DAB1: variants seen among roughly 807,000 people sequenced by gnomAD.
The protein encoded by DAB1 is DAB adaptor protein 1, also known as disabled homolog 1.
DAB1 carries 15 observed loss-of-function variants against 64.6 expected under a neutral mutation model. That is an observed-to-expected ratio of 0.23 (90% confidence interval 0.16 to 0.36). The LOEUF (loss-of-function observed/expected upper bound fraction) is 0.36, where lower values mean the gene tolerates loss of function less well. DAB1 is among the 10% of genes least tolerant of loss of function. The pLI, the probability that DAB1 is intolerant of heterozygous loss-of-function variation, is 1.00. For missense variants in DAB1, 596 were observed against 706.7 expected, an observed-to-expected ratio of 0.84 and a Z score of 1.78; for synonymous variants, 235 against 251.9, an observed-to-expected ratio of 0.93 and a Z score of 0.64.
At chr1:57,698,262 A>ATT (rs71051246) in intron 6 of DAB1, among the ~76,000 whole-genome samples, 4,823 of 138,918 alleles carry the variant, frequency 0.035, 309 homozygotes, top group African/African-American at 0.12. Flanking sequence ...ACTTTTAAAC[A>ATT]TTTTTTTTTT....
At chr1:58,340,655 A>G (rs17442536) in intron 4 of DAB1, among the ~76,000 whole-genome samples, 13,746 of 152,192 alleles carry the variant, frequency 0.09, 801 homozygotes, top group Non-Finnish European at 0.13. Context: ...TAAGTGGCTG[A>G]CGTGCTGTGG....
intron 7 of DAB1, among the ~76,000 whole-genome samples, chr1:57,569,172 G>A (rs1645162248): frequency 1.4e-5 from 2 of 145,946 alleles, no homozygotes; most frequent in Non-Finnish European, 3.0e-5. Flanking sequence ...GCAGGAGAAT[G>A]GCGTGAACCC....
At chr1:57,807,092 A>G (rs548979132) in intron 6 of DAB1, among the ~76,000 whole-genome samples, 2 of 152,324 alleles carry the variant, frequency 1.3e-5, no homozygotes. Flanking sequence ...CTATAGCACT[A>G]GCTCCTAACT....
intron 7 of DAB1, among the ~76,000 whole-genome samples, chr1:57,637,054 T>C (rs972984818): frequency 9.2e-5 from 14 of 152,188 alleles, no homozygotes; most frequent in Admixed American, 4.6e-4. Flanking sequence ...GGGGCTTTTT[T>C]TATAGCAATC....
At chr1:58,527,248 C>T in intron 2 of DAB1, 1 of 871,972 alleles carries the variant, frequency 1.1e-6, no homozygotes. Flanking sequence ...TTCTCAACTA[C>T]TAAACACTTT....
intron 8 of DAB1, among the ~76,000 whole-genome samples, chr1:57,067,441 C>T (rs772604361): frequency 6.6e-6 from 1 of 152,138 alleles, no homozygotes; most frequent in African/African-American, 2.4e-5. Context: ...GTGAGCCTCA[C>T]TTTCCTTATC....
At chr1:58,176,841 T>C (rs1656509701) in intron 4 of DAB1, among the ~76,000 whole-genome samples, 1 of 151,924 alleles carries the variant, frequency 6.6e-6, no homozygotes. Flanking sequence ...TAGCCAGGCA[T>C]GGTGGTGGGC....
chr1:58,101,083 G>A (rs375916449), intron 5 of DAB1, among the ~76,000 whole-genome samples: 19 of 152,254 alleles, frequency 1.2e-4, no homozygotes, highest in East Asian at 1.2e-3. Context: ...TTAGGAGGCC[G>A]AGGCAGGTGG....
At chr1:57,339,420 G>A (rs1259881046) in intron 1 of DAB1, among the ~76,000 whole-genome samples, 1 of 152,128 alleles carries the variant, frequency 6.6e-6, no homozygotes, top group Non-Finnish European at 1.5e-5. Context: ...CCTCCCAAAG[G>A]GCTGGGATTA....
chr1:57,494,253 A>AT (rs11379381), intron 7 of DAB1, among the ~76,000 whole-genome samples: 29,165 of 147,316 alleles, frequency 0.2, 2,972 homozygotes, highest in Non-Finnish European at 0.25. Context: ...AATTGTTACA[A>AT]TTTTTTTTTT....
At chr1:57,797,170 T>A (rs1381208750) in intron 6 of DAB1, among the ~76,000 whole-genome samples, 1 of 152,228 alleles carries the variant, frequency 6.6e-6, no homozygotes, top group Non-Finnish European at 1.5e-5. Flanking sequence ...TCTGCCACCT[T>A]GTTGCTCTTT....
At chr1:57,244,633 A>T in intron 2 of DAB1, among the ~76,000 whole-genome samples, 1 of 152,198 alleles carries the variant, frequency 6.6e-6, no homozygotes, top group East Asian at 1.9e-4. Flanking sequence ...TTACTCTGCA[A>T]ATTAGGGAAA....
chr1:57,367,892 A>G (rs1046404994), intron 1 of DAB1, among the ~76,000 whole-genome samples: 3 of 151,690 alleles, frequency 2.0e-5, no homozygotes, highest in African/African-American at 7.3e-5. Flanking sequence ...TGGGCCTCCC[A>G]CTCCTCAGAG....
intron 6 of DAB1, among the ~76,000 whole-genome samples, chr1:57,799,451 G>A (rs1422890842): frequency 6.6e-6 from 1 of 152,012 alleles, no homozygotes; most frequent in Non-Finnish European, 1.5e-5. Flanking sequence ...GACCCTGTTT[G>A]GGAATGACAA....
At chr1:58,153,545 A>G (rs947978991) in intron 4 of DAB1, among the ~76,000 whole-genome samples, 6 of 152,152 alleles carry the variant, frequency 3.9e-5, no homozygotes, top group Admixed American at 2.0e-4. Context: ...ATTGTCTTTC[A>G]TATCTTATGA....
intron 1 of DAB1, among the ~76,000 whole-genome samples, chr1:57,338,512 T>A (rs1009742461): frequency 7.9e-5 from 12 of 152,210 alleles, no homozygotes; most frequent in African/African-American, 2.9e-4. Context: ...ATCTATCTGG[T>A]AGACTGAACC....
chr1:57,637,207 C>G (rs772079943), intron 7 of DAB1, among the ~76,000 whole-genome samples: 38 of 152,150 alleles, frequency 2.5e-4, no homozygotes, highest in Non-Finnish European at 5.1e-4. Context: ...GTTGCCAAAT[C>G]TATTGATAGG....
rs3081038 is a variant in DAB1, at chr1:57,795,690, G to GATATATATATATAT, written n.551+88295_551+88308dup. ...TAACCATCCATGAATTATGCTTGGA[G>GATATATATATATAT]ATATATATATATATATATATATATA... is the stretch of plus-strand genomic sequence containing the variant. On this transcript the variant is annotated intron_variant and non_coding_transcript_variant, in intron 6 of 20. Coordinates refer to the DAB1 transcript ENST00000485760. 5.6e-3 allele frequency among the ~76,000 whole-genome samples: 385 copies of GATATATATATATAT among 69,056 alleles called. 14 individuals are homozygous for GATATATATATATAT. The highest frequency in any genetic ancestry group is 7.7e-3 in the East Asian group (8 of 1,036). 45.3% of individuals were successfully genotyped at this position (69,056 alleles called of 152,430 possible). A position where few individuals can be genotyped will look rare whatever the true frequency, so the allele number is the denominator to read the frequency against.
At chr1:58,514,551 T>C (rs903123072) in intron 2 of DAB1, among the ~76,000 whole-genome samples, 1 of 152,148 alleles carries the variant, frequency 6.6e-6, no homozygotes, top group Admixed American at 6.5e-5. Flanking sequence ...TGAATCTGAA[T>C]CTTTTTTTAG....
Sources: allele counts gnomAD v4.1 joint callset (sites outside exome capture counted in the v4.1 genomes callset), GRCh38; gene constraint gnomAD v4.1.1; transcripts MANE v1.5; gene names NCBI Gene and HGNC (gene_info 2026-07-23, HGNC 2026-07-21).